The following DDB1 variants were observed in gnomAD, a reference collection of about 807,000 sequenced individuals.
DDB1 encodes the protein damage specific DNA binding protein 1.
DDB1 carries 18 observed loss-of-function variants against 133.1 expected under a neutral mutation model. That is an observed-to-expected ratio of 0.14 (90% CI 0.09 to 0.20). DDB1 has a LOEUF of 0.20. Ranked by LOEUF, DDB1 falls within the 10% of genes least tolerant of loss-of-function variation. DDB1 has a pLI of 1.00. For missense variants in DDB1, 828 were observed against 1,459.2 expected, an observed-to-expected ratio of 0.57 and a Z score of 7.05; for synonymous variants, 580 against 550.5, an observed-to-expected ratio of 1.05 and a Z score of -0.75.
intron 26 of DDB1, 57 bp downstream of exon 26, chr11:61,300,752 C>T (rs1432423632): frequency 1.0e-5 from 16 of 1,602,576 alleles, no homozygotes; most frequent in Non-Finnish European, 1.3e-5. Context: ...AGTCTCCTGG[C>T]ATGCCCCAAC....
Position 61,309,562 on chromosome 11 carries a change from C to A in DDB1, c.2566+234G>T, listed in dbSNP as rs1855928447. Among the ~76,000 whole-genome samples, 3 of 152,206 alleles carry A rather than the reference C, an allele frequency of 2.0e-5. No individual in the cohort carries two copies. In the East Asian group the frequency reaches 5.8e-4, roughly 29 times the overall value. ...CCATCGTTCACTTCTCCCACCCCTC[C>A]CTTTTGTTCTTTTGGCCTTTCAAAG... On this transcript the variant is annotated intron_variant, in intron 20 of 26. Transcript: ENST00000301764.
chr11:61,306,094 G>C (rs1855878421), intron 21 of DDB1, among the ~76,000 whole-genome samples: 1 of 152,004 alleles, frequency 6.6e-6, no homozygotes, highest in Non-Finnish European at 1.5e-5. Flanking sequence ...ATTTCTATTG[G>C]CTGGCAACAG....
intron 16 of DDB1, among the ~76,000 whole-genome samples, chr11:61,312,782 A>G (rs973678156): frequency 1.3e-5 from 2 of 151,952 alleles, no homozygotes; most frequent in Admixed American, 6.6e-5. Flanking sequence ...TATTTTTAGT[A>G]GAGATGGGGT....
chr11:61,317,363 T>G (rs535651155), intron 10 of DDB1, among the ~76,000 whole-genome samples: 1 of 150,522 alleles, frequency 6.6e-6, no homozygotes, highest in African/African-American at 2.4e-5. Flanking sequence ...TCCGCCACCT[T>G]GGCCTCCCAA....
At chr11:61,323,840 C>T (rs1019062568) in intron 7 of DDB1, 139 bp downstream of exon 7, 29 of 912,906 alleles carry the variant, frequency 3.2e-5, no homozygotes, top group Non-Finnish European at 4.8e-5. Flanking sequence ...ATTCAACAGT[C>T]AACTTCCACA....
intron 5 of DDB1, 31 bp downstream of exon 5, chr11:61,326,748 T>C (rs1856277126): frequency 6.3e-7 from 1 of 1,576,536 alleles, no homozygotes; most frequent in Non-Finnish European, 8.7e-7. Context: ...TAGACCCAGG[T>C]GGAGGCACAT....
intron 4 of DDB1, 32 bp from the exon 5 acceptor site, chr11:61,326,925 A>G: frequency 6.5e-7 from 1 of 1,528,170 alleles, no homozygotes; most frequent in Non-Finnish European, 9.1e-7. Context: ...GTTAGCCCTT[A>G]GGAAGGGTGA....
rs1398764956 is a variant in DDB1, at chr11:61,311,810, C to A, written c.2251G>T (p.Ala751Ser). 6.2e-7 allele frequency: 1 copy of A among 1,613,728 alleles called. No individual in the cohort carries two copies. The highest frequency in any genetic ancestry group is 1.7e-5 in the Admixed American group (1 of 59,892). The change falls in exon 18 of 27, where the codon GCC becomes TCC. Residue 751 changes from alanine (A) to serine (S), a missense_variant. Ala to Ser is a moderately conservative substitution (Grantham distance 99, BLOSUM62 1). This residue lies in a region of DDB1 where 396 missense variants were observed against 554.1 expected (regional missense o/e 0.71). Transcript: ENST00000301764. Reference protein sequence around the residue: ...EVQDTSGGTTALRPSASTQAL... With the variant: ...EVQDTSGGTTSLRPSASTQAL... ...TGGGTGCTAGCGCTGGGCCTCAAGG[C>A]TGTCGTGCCCCCACTCGTGTCTTGG...
chr11:61,316,427 G>A, intron 11 of DDB1, 34 bp from the exon 12 acceptor site: 1 of 1,613,244 alleles, frequency 6.2e-7, no homozygotes. Flanking sequence ...GTCAGCCTGG[G>A]ACCAGCTTCC....
In DDB1 at chr11:61,305,400, G is replaced by A. The variant is rs145310433; in HGVS notation, c.2662-1365C>T. Among the ~76,000 whole-genome samples the A allele has an allele frequency of 6.7e-3, 1,018 of 152,260 alleles. 12 individuals are homozygous for A. Among genetic ancestry groups the A allele is most frequent in the African/African-American group, 0.024 (983 of 41,538 alleles). On this transcript the variant is annotated intron_variant, in intron 21 of 26. Coordinates refer to ENST00000301764, the MANE Select transcript of DDB1 (RefSeq NM_001923.5). ...CGTGTGCCTGTAATCCCAGCTACTC[G>A]GGAGGCTGAGGCAGGAGAATCTCTT...
intron 6 of DDB1, among the ~76,000 whole-genome samples, chr11:61,325,363 C>A (rs557930536): frequency 6.6e-6 from 1 of 152,192 alleles, no homozygotes; most frequent in Non-Finnish European, 1.5e-5. Context: ...AAAAAAGTTG[C>A]CCCAGTCAAT....
Position 61,314,174 on chromosome 11 carries a change from G to A in DDB1, c.1626C>T (p.Asp542=). The change falls in exon 14 of 27, where the codon GAC becomes GAT. Residue 542 remains aspartate, a synonymous_variant. Transcript: ENST00000301764. The part of the protein sequence containing the change: ...TEMEHEVACL[D]ITPLGDSNGL... ...CATTGCTGTCTCCTAATGGGGTGAT[G>A]TCCAAGCAAGCCACTTCATGTTCCA... 6.2e-7 allele frequency: 1 copy of A among 1,610,842 alleles called. No individual in the cohort carries two copies. Among genetic ancestry groups the A allele is most frequent in the East Asian group, 2.2e-5 (1 of 44,850 alleles).
chr11:61,321,387 T>G, intron 10 of DDB1: 1 of 479,712 alleles, frequency 2.1e-6, no homozygotes, highest in Non-Finnish European at 3.7e-6. Flanking sequence ...CCACTACCAA[T>G]TTTGATCAGT....
chr11:61,306,811 G>A (rs529793855), intron 21 of DDB1, among the ~76,000 whole-genome samples: 25 of 152,224 alleles, frequency 1.6e-4, no homozygotes, highest in Non-Finnish European at 3.1e-4. Flanking sequence ...TTCCACTCCA[G>A]GTAAGGAAAA....
chr11:61,305,422 T>G (rs1362342618), intron 21 of DDB1, among the ~76,000 whole-genome samples: 1 of 152,148 alleles, frequency 6.6e-6, no homozygotes, highest in African/African-American at 2.4e-5. Context: ...CAGGAGAATC[T>G]CTTCAACCAG....
At chr11:61,330,125 A>T in intron 2 of DDB1, 51 bp from the exon 3 acceptor site, 1 of 1,463,032 alleles carries the variant, frequency 6.8e-7, no homozygotes, top group East Asian at 2.3e-5. Context: ...AAACAGGAAC[A>T]ACCTGTCCAG....
intron 9 of DDB1, chr11:61,322,085 G>A (rs372319357): frequency 1.0e-5 from 6 of 581,544 alleles, no homozygotes; most frequent in African/African-American, 9.2e-5. Context: ...CCTATCTAGG[G>A]TACTTGTGTA....
At chr11:61,329,910 G>A (rs933791298) in intron 3 of DDB1, 48 bp downstream of exon 3, 1 of 1,484,136 alleles carries the variant, frequency 6.7e-7, no homozygotes. Context: ...CATGAATCAT[G>A]ACAGCCCTAC....
rs750613141 is a variant in DDB1 at position 61,303,847 on chromosome 11, T to A, written c.2832+18A>T. The A allele has an allele frequency of 1.2e-6, 2 of 1,611,348 alleles. No homozygotes were observed. Among genetic ancestry groups the A allele is most frequent in the South Asian group, 2.2e-5 (2 of 90,984 alleles). On this transcript the variant is annotated intron_variant, in intron 22 of 26. Transcript: ENST00000301764. ...GGCTCAAGCAAGAAGTCTGCTCGCA[T>A]CCCCCCACCAGCATCACCTCTTCAA...
Sources: allele counts gnomAD v4.1 joint callset (sites outside exome capture counted in the v4.1 genomes callset), GRCh38; gene constraint gnomAD v4.1.1; regional missense constraint gnomAD v4.1.1; transcripts MANE v1.5; gene names NCBI Gene and HGNC (gene_info 2026-07-23, HGNC 2026-07-21).